The following CACNA2D3 variants were observed in gnomAD, a reference collection of about 807,000 sequenced individuals.
CACNA2D3 encodes voltage-dependent calcium channel subunit alpha-2/delta-3.
A neutral mutation model predicts 160.6 loss-of-function variants in CACNA2D3; 60 were observed. That is an observed-to-expected ratio of 0.37 (90% CI 0.30 to 0.46). The LOEUF (loss-of-function observed/expected upper bound fraction) is 0.46, where lower values mean the gene tolerates loss of function less well. CACNA2D3 is among the 20% of genes least tolerant of loss of function. The pLI is 1.00. For synonymous variants in CACNA2D3, 558 were observed against 492.9 expected (o/e 1.13, Z -1.75); for missense variants, 1,205 against 1,365.0 (o/e 0.88, Z 1.85).
At chr3:54,684,207 G>A (rs753130438) in intron 11 of CACNA2D3, among the ~76,000 whole-genome samples, 1 of 151,988 alleles carries the variant, frequency 6.6e-6, no homozygotes, top group African/African-American at 2.4e-5. Context: ...TAATCTGCCC[G>A]TCTTGGCCTC....
chr3:54,914,354 G>A (rs1408856943), intron 27 of CACNA2D3, among the ~76,000 whole-genome samples: 1 of 152,186 alleles, frequency 6.6e-6, no homozygotes, highest in Non-Finnish European at 1.5e-5. Flanking sequence ...TGTCTGCAAT[G>A]GATAGAAAGG....
chr3:54,958,010 A>G (rs1418156281), intron 27 of CACNA2D3, among the ~76,000 whole-genome samples: 6 of 152,182 alleles, frequency 3.9e-5, no homozygotes, highest in Admixed American at 2.6e-4. Flanking sequence ...AATAATTGAT[A>G]TCTCCATCCA....
chr3:55,033,847 C>CATAAAAAT (rs1703751255), intron 35 of CACNA2D3, among the ~76,000 whole-genome samples: 1 of 62,220 alleles, frequency 1.6e-5, no homozygotes, highest in Non-Finnish European at 2.9e-5. Context: ...ATATATATTA[C>CATAAAAAT]ATATTAAATA....
At chr3:54,150,129 A>G (rs981925946) in intron 2 of CACNA2D3, among the ~76,000 whole-genome samples, 6 of 151,672 alleles carry the variant, frequency 4.0e-5, no homozygotes, top group African/African-American at 1.5e-4. Context: ...GCTTCCCTCC[A>G]TAGAAGAAAA....
chr3:54,987,608 G>A, intron 30 of CACNA2D3, 75 bp from the exon 31 acceptor site: 1 of 935,936 alleles, frequency 1.1e-6, no homozygotes, highest in South Asian at 1.6e-5. Context: ...CACAGACTGT[G>A]TCCCTTTTCA....
intron 19 of CACNA2D3, 61 bp downstream of exon 19, chr3:54,879,150 C>A: frequency 1.8e-6 from 2 of 1,124,940 alleles, no homozygotes; most frequent in Non-Finnish European, 2.6e-6. Flanking sequence ...GAAAAATTAG[C>A]TTTGAAAGCT....
At chr3:54,430,121 C>G (rs945069314) in intron 4 of CACNA2D3, among the ~76,000 whole-genome samples, 1 of 152,194 alleles carries the variant, frequency 6.6e-6, no homozygotes, top group African/African-American at 2.4e-5. Context: ...TATGTCCTTG[C>G]TGCGCAACTA....
chr3:54,629,731 G>T (rs1213669803), intron 10 of CACNA2D3, among the ~76,000 whole-genome samples: 2 of 152,188 alleles, frequency 1.3e-5, no homozygotes, highest in South Asian at 2.1e-4. Context: ...ATCTCAGCAG[G>T]CTCTTTCCAG....
intron 14 of CACNA2D3, among the ~76,000 whole-genome samples, chr3:54,819,568 C>G (rs1575493981): frequency 6.6e-6 from 1 of 152,168 alleles, no homozygotes; most frequent in South Asian, 2.1e-4. Context: ...GTTGTTGGGC[C>G]AGGCATGGTG....
At chr3:54,952,386 G>A (rs1305556697) in intron 27 of CACNA2D3, among the ~76,000 whole-genome samples, 3 of 152,258 alleles carry the variant, frequency 2.0e-5, no homozygotes, top group East Asian at 3.9e-4. Context: ...AACATGAAGG[G>A]TCTGGAGGCT....
chr3:54,540,579 A>G (rs966181199), intron 5 of CACNA2D3, among the ~76,000 whole-genome samples: 2 of 152,182 alleles, frequency 1.3e-5, no homozygotes, highest in African/African-American at 4.8e-5. Context: ...TATATATAAA[A>G]TGGTCGGGTA....
chr3:54,867,528 T>TAAAAA (rs10663088), intron 17 of CACNA2D3, among the ~76,000 whole-genome samples: 47 of 137,926 alleles, frequency 3.4e-4, no homozygotes, highest in African/African-American at 1.1e-3. Context: ...AAGCCAGCTT[T>TAAAAA]AAAAAAAAAA....
intron 2 of CACNA2D3, among the ~76,000 whole-genome samples, chr3:54,219,917 TCTTTC>T (rs1186874687): frequency 1.3e-5 from 2 of 152,166 alleles, no homozygotes; most frequent in African/African-American, 4.8e-5. Flanking sequence ...AAAACTACTA[TCTTTC>T]CTTACTAACC....
chr3:54,435,758 A>G (rs1053315186), intron 4 of CACNA2D3, among the ~76,000 whole-genome samples: 2 of 152,394 alleles, frequency 1.3e-5, no homozygotes, highest in African/African-American at 2.4e-5. Flanking sequence ...TGAATCAGTA[A>G]TGAATCAGAT....
intron 27 of CACNA2D3, among the ~76,000 whole-genome samples, chr3:54,951,734 C>A (rs1324207712): frequency 6.6e-6 from 1 of 152,236 alleles, no homozygotes; most frequent in African/African-American, 2.4e-5. Context: ...GAGAAAACAT[C>A]TTCTCCCTTG....
chr3:54,517,011 A>G (rs1292060920), intron 5 of CACNA2D3, among the ~76,000 whole-genome samples: 1 of 152,176 alleles, frequency 6.6e-6, no homozygotes, highest in African/African-American at 2.4e-5. Context: ...GAAAAGGCTG[A>G]GTTGGGTGGT....
chr3:54,811,993 G>A (rs1010885286), intron 13 of CACNA2D3, among the ~76,000 whole-genome samples: 2 of 152,166 alleles, frequency 1.3e-5, no homozygotes, highest in Admixed American at 6.5e-5. Context: ...TTCAAATGGT[G>A]GATAGCATGT....
intron 2 of CACNA2D3, among the ~76,000 whole-genome samples, chr3:54,287,879 G>C (rs980307560): frequency 1.3e-5 from 2 of 149,810 alleles, no homozygotes; most frequent in Non-Finnish European, 3.0e-5. Context: ...TGAAACCAAC[G>C]AGAACAAAGG....
At chr3:54,578,251 C>G (rs1193967108) in intron 8 of CACNA2D3, among the ~76,000 whole-genome samples, 1 of 152,204 alleles carries the variant, frequency 6.6e-6, no homozygotes, top group East Asian at 1.9e-4. Flanking sequence ...CTTCCTTAGA[C>G]TGTTGATATC....
Sources: allele counts gnomAD v4.1 joint callset (sites outside exome capture counted in the v4.1 genomes callset), GRCh38; gene constraint gnomAD v4.1.1; transcripts MANE v1.5; gene names NCBI Gene and HGNC (gene_info 2026-07-23, HGNC 2026-07-21).